Variants in GRIN2B observed in about 807,000 individuals in gnomAD.
GRIN2B encodes the protein glutamate ionotropic receptor NMDA type subunit 2B, also known as glutamate receptor ionotropic, NMDA 2B.
Under a neutral mutation model 114.5 loss-of-function variants are expected in GRIN2B, and 5 were observed. That is an observed-to-expected ratio of 0.04 (90% CI 0.02 to 0.09). The LOEUF is 0.09. GRIN2B is among the 10% of genes least tolerant of loss of function. The probability of loss-of-function intolerance (pLI) is 1.00; values close to 1 mark genes in which losing one functional copy is unlikely to be tolerated. For missense variants in GRIN2B, 1,108 were observed against 1,943.5 expected (o/e 0.57, Z 8.08); for synonymous variants, 787 against 745.1 (o/e 1.06, Z -0.92).
chr12:13,877,811 C>A (rs1478654617), intron 2 of GRIN2B, among the ~76,000 whole-genome samples: 2 of 152,080 alleles, frequency 1.3e-5, no homozygotes, highest in African/African-American at 4.8e-5. Context: ...ACCCATAATC[C>A]CAGCATTTTG....
intron 5 of GRIN2B, among the ~76,000 whole-genome samples, chr12:13,621,509 T>C (rs1949513525): frequency 6.7e-6 from 1 of 150,308 alleles, no homozygotes; most frequent in Admixed American, 6.6e-5. Context: ...TTTCACAACA[T>C]CTGTCTACAA....
At chr12:13,675,940 A>G (rs150178050) in intron 4 of GRIN2B, 81 bp from the exon 5 acceptor site, 2 of 793,110 alleles carry the variant, frequency 2.5e-6, no homozygotes, top group Non-Finnish European at 4.5e-6. Flanking sequence ...ATAGAGAGAA[A>G]GCTGGCTGGA....
At chr12:13,810,910 A>G (rs2284422) in intron 3 of GRIN2B, among the ~76,000 whole-genome samples, 44,649 of 152,124 alleles carry the variant, frequency 0.29, 7,165 homozygotes, top group Non-Finnish European at 0.35. Flanking sequence ...TACCCCTAAT[A>G]CATCTCTACA....
chr12:13,761,664 C>A (rs1020293604), intron 3 of GRIN2B, among the ~76,000 whole-genome samples: 3 of 152,152 alleles, frequency 2.0e-5, no homozygotes, highest in African/African-American at 7.2e-5. Flanking sequence ...GCAATCAAAC[C>A]TACTCTCAGA....
intron 2 of GRIN2B, among the ~76,000 whole-genome samples, chr12:13,917,803 T>C (rs917640858): frequency 1.3e-5 from 2 of 152,268 alleles, no homozygotes; most frequent in African/African-American, 4.8e-5. Flanking sequence ...TATCTCACTT[T>C]AAGTGGCAAT....
chr12:13,653,726 T>C (rs777659286), intron 5 of GRIN2B, among the ~76,000 whole-genome samples: 2 of 152,120 alleles, frequency 1.3e-5, no homozygotes, highest in Non-Finnish European at 2.9e-5. Context: ...CACAGTACAA[T>C]ATTAACTCAG....
At chr12:13,883,667 G>C (rs1343151713) in intron 2 of GRIN2B, among the ~76,000 whole-genome samples, 1 of 151,978 alleles carries the variant, frequency 6.6e-6, no homozygotes, top group African/African-American at 2.4e-5. Context: ...AGTTGTGAGA[G>C]TTCTACACAT....
intron 3 of GRIN2B, among the ~76,000 whole-genome samples, chr12:13,854,362 T>G (rs1383213341): frequency 5.3e-5 from 8 of 151,738 alleles, no homozygotes; most frequent in Non-Finnish European, 7.4e-5. Flanking sequence ...ACACAAAAAA[T>G]AACTCGGTGT....
intron 2 of GRIN2B, among the ~76,000 whole-genome samples, chr12:13,942,300 T>C (rs537130098): frequency 2.0e-5 from 3 of 148,672 alleles, no homozygotes; most frequent in East Asian, 4.1e-4. Flanking sequence ...TTTATTGCCC[T>C]GCAACTGTTC....
Position 13,562,916 on chromosome 12 carries a change from C to T in GRIN2B, c.4322G>A (p.Arg1441His), listed in dbSNP as rs200903876. ...VSALHGAVPA[R>H]FQKDICIGNQ... ...CCCTATACAGATGTCCTTCTGGAAACGGGCTGGCACGGCCCCATGAAGGGC... is the reference window on the plus strand; with the variant it reads ...CCCTATACAGATGTCCTTCTGGAAATGGGCTGGCACGGCCCCATGAAGGGC... Residue 1441 changes from arginine (R) to histidine (H), a missense_variant, in exon 14 of 14, where the codon CGT (arginine) becomes CAT (histidine). By Grantham distance (29) the Arg-to-His change is conservative. Around this residue, in one of 19 missense-constraint regions of GRIN2B, gnomAD observed 478 missense variants for 506.0 expected, o/e 0.94. Coordinates refer to ENST00000609686, the MANE Select transcript of GRIN2B (RefSeq NM_000834.5). 9 of 1,614,100 alleles carry T rather than the reference C, an allele frequency of 5.6e-6. No homozygotes were observed. Among genetic ancestry groups the T allele is most frequent in the Admixed American group, 3.3e-5 (2 of 60,010 alleles).
At chr12:13,727,598 T>G (rs1863014604) in intron 4 of GRIN2B, among the ~76,000 whole-genome samples, 1 of 152,142 alleles carries the variant, frequency 6.6e-6, no homozygotes, top group Admixed American at 6.6e-5. Context: ...AATATATAAA[T>G]CCCGTTATTA....
chr12:13,597,496 G>A (rs541368553), intron 10 of GRIN2B, among the ~76,000 whole-genome samples: 10 of 152,302 alleles, frequency 6.6e-5, no homozygotes, highest in South Asian at 2.1e-4. Flanking sequence ...TGGGCCAAGC[G>A]GGGACCATCC....
At position 13,799,373 on chromosome 12, in the gene GRIN2B, G is replaced by A. The variant is rs182811136; in HGVS notation, c.412-45458C>T. Among the ~76,000 whole-genome samples, 612 of 152,214 alleles carry A rather than the reference G, an allele frequency of 4.0e-3. 2 individuals carry two copies. The highest frequency in any genetic ancestry group is 7.5e-3 in the South Asian group (36 of 4,812). The stretch of plus-strand genomic sequence containing the variant: ...CCTTGTGGTTCCCTCAGTCTCTTTC[G>A]CCCTTGTATTCCACTGTGCTCACAT... On this transcript the variant is annotated intron_variant, in intron 3 of 13. Coordinates refer to ENST00000609686, the MANE Select transcript of GRIN2B (RefSeq NM_000834.5).
At chr12:13,710,957 A>G (rs1187619091) in intron 4 of GRIN2B, among the ~76,000 whole-genome samples, 1 of 152,124 alleles carries the variant, frequency 6.6e-6, no homozygotes, top group African/African-American at 2.4e-5. Flanking sequence ...TGGAGGCATC[A>G]TGCTACCTGA....
chr12:13,887,990 C>T (rs1199325012), intron 2 of GRIN2B, among the ~76,000 whole-genome samples: 1 of 152,162 alleles, frequency 6.6e-6, no homozygotes, highest in African/African-American at 2.4e-5. Flanking sequence ...CTTCTACAAG[C>T]CTGTTGGCTC....
rs10548365 is a variant in GRIN2B, at chr12:13,808,752, A to AAT, written c.412-54839_412-54838dup. Among the ~76,000 whole-genome samples, 688 of 109,888 alleles carry AAT rather than the reference A, an allele frequency of 6.3e-3. 14 individuals carry two copies. Among genetic ancestry groups the AAT allele is most frequent in the East Asian group, 9.8e-3 (29 of 2,956 alleles). The allele number at this position is 109,888 out of a possible 152,430, so 72.1% of individuals were successfully genotyped here. A position where few individuals can be genotyped will look rare whatever the true frequency, so the allele number is the denominator to read the frequency against. The stretch of plus-strand genomic sequence containing the variant: ...AGAACTTAAAGTATAATAAAAAAAA[A>AAT]ATATATATATATATATATACATATA... On this transcript the variant is annotated intron_variant, in intron 3 of 13. Coordinates refer to ENST00000609686, the MANE Select transcript of GRIN2B (RefSeq NM_000834.5).
chr12:13,898,264 A>T (rs1297709017), intron 2 of GRIN2B, among the ~76,000 whole-genome samples: 1 of 152,176 alleles, frequency 6.6e-6, no homozygotes, highest in Non-Finnish European at 1.5e-5. Flanking sequence ...TATATTATTG[A>T]TTAATAGAAC....
chr12:13,595,829 G>C (rs1276949051), intron 10 of GRIN2B, among the ~76,000 whole-genome samples: 1 of 152,142 alleles, frequency 6.6e-6, no homozygotes, highest in Non-Finnish European at 1.5e-5. Context: ...GGGATTTATA[G>C]GTAGTTGGCC....
intron 2 of GRIN2B, among the ~76,000 whole-genome samples, chr12:13,887,453 C>G (rs1866183105): frequency 6.6e-6 from 1 of 151,360 alleles, no homozygotes; most frequent in African/African-American, 2.4e-5. Flanking sequence ...TGAAAAAAAC[C>G]CAAAAGACTA....
Sources: allele counts gnomAD v4.1 joint callset (sites outside exome capture counted in the v4.1 genomes callset), GRCh38; gene constraint gnomAD v4.1.1; regional missense constraint gnomAD v4.1.1; transcripts MANE v1.5; gene names NCBI Gene and HGNC (gene_info 2026-07-23, HGNC 2026-07-21).